GNL3: variants seen among roughly 807,000 people sequenced by gnomAD.
GNL3 encodes guanine nucleotide-binding protein-like 3.
In GNL3, 77 loss-of-function variants were observed where a neutral mutation model predicts 70.6. That is an observed-to-expected ratio of 1.09 (90% CI 0.91 to 1.32). The LOEUF (loss-of-function observed/expected upper bound fraction) is 1.32. Ranked by LOEUF, GNL3 falls within the 40% of genes most tolerant of loss-of-function variation. GNL3 has a pLI of 0.00. For missense variants in GNL3, 634 were observed against 644.0 expected, an observed-to-expected ratio of 0.98 and a Z score of 0.17; for synonymous variants, 252 against 216.1, an observed-to-expected ratio of 1.17 and a Z score of -1.46.
chr3:52,686,065 T>A lies in GNL3; in HGVS notation c.-28T>A, dbSNP rs535617804. On this transcript the variant is annotated 5_prime_UTR_variant, in exon 1 of 15. An upstream start codon of the reference 5' UTR is lost. Transcript: ENST00000418458. ...CGTGGCGCCAGCGGAGGCAGGTTGA[T>A]GTGTTTGTGCTTCCTTCTACAGCCA... The A allele has an allele frequency of 6.6e-5, 68 of 1,032,136 alleles. No homozygotes were observed. In the African/African-American group the frequency reaches 9.3e-4, roughly 14 times the overall value. The allele number at this position is 1,032,136 out of a possible 1,614,324, so 63.9% of individuals were successfully genotyped here. A position where few individuals can be genotyped will look rare whatever the true frequency, so the allele number is the denominator to read the frequency against.
intron 9 of GNL3, among the ~76,000 whole-genome samples, chr3:52,692,114 TTGAG>T (rs941767810): frequency 1.3e-5 from 2 of 152,190 alleles, no homozygotes; most frequent in African/African-American, 2.4e-5. Flanking sequence ...AGCAGATAGA[TTGAG>T]AGAGAGGAAA....
At chr3:52,691,695 G>A in intron 9 of GNL3, 66 bp downstream of exon 9, 1 of 860,012 alleles carries the variant, frequency 1.2e-6, no homozygotes, top group Non-Finnish European at 1.9e-6. Context: ...TTATCTCAAG[G>A]AAGGTGATTT....
chr3:52,685,982 GA>G (rs1270715054), upstream of GNL3: 1 of 760,338 alleles, frequency 1.3e-6, no homozygotes, highest in African/African-American at 1.7e-5. Context: ...GAGAGGCGGT[GA>G]CGCACTTTAC....
intron 9 of GNL3, 71 bp from the exon 10 acceptor site, chr3:52,692,801 G>T (rs1296661377): frequency 1.7e-6 from 2 of 1,195,144 alleles, no homozygotes; most frequent in South Asian, 1.2e-5. Context: ...ATCCAACCCT[G>T]AGCTTCATGT....
In GNL3 at chr3:52,691,068, A is replaced by G. The variant is rs763033684; in HGVS notation, c.778A>G (p.Ile260Val). 2 of 1,613,792 alleles carry G rather than the reference A, an allele frequency of 1.2e-6. No individual in the cohort carries two copies. The highest frequency in any genetic ancestry group is 2.2e-5 in the South Asian group (2 of 91,078). ...CAGCAAAGCCATTCGGGTTGGAGTA[A>G]TTGGTGAGTTTCAGTTCATTACTTT... The part of the protein sequence containing the change: ...TCSKAIRVGV[I>V]GFPNVGKSSI... The change falls in exon 8 of 15, where the codon ATT (isoleucine) becomes GTT (valine). Residue 260 changes from isoleucine to valine, a missense_variant. By Grantham distance (29) the Ile-to-Val change is conservative (BLOSUM62 3). Transcript: ENST00000418458.
upstream of GNL3, chr3:52,686,026 G>A (rs1016255755): frequency 7.3e-6 from 6 of 821,530 alleles, no homozygotes; most frequent in South Asian, 2.7e-5. Context: ...GCTCGTCAGT[G>A]GCTTCAGTTC....
Position 52,689,099 on chromosome 3 carries a change from T to C in GNL3, c.434T>C (p.Leu145Pro). 1 of 1,613,222 alleles carries C rather than the reference T, an allele frequency of 6.2e-7. No homozygotes were observed. Among genetic ancestry groups the C allele is most frequent in the Non-Finnish European group, 8.5e-7 (1 of 1,179,098 alleles). Reference sequence around the variant, plus strand: ...GTGATTGAAGCCTCCGATGTTGTCCTAGAGGTGTTGGATGCCAGAGATCCT... The same window carrying C: ...GTGATTGAAGCCTCCGATGTTGTCCCAGAGGTGTTGGATGCCAGAGATCCT... ...KKVIEASDVV[L>P]EVLDARDPLG... Residue 145 changes from leucine (L) to proline (P), a missense_variant, in exon 6 of 15, where the codon CTA becomes CCA. Physicochemically the swap from Leu to Pro is moderately conservative, Grantham distance 98. Coordinates refer to ENST00000418458, the MANE Select transcript of GNL3 (RefSeq NM_014366.5).
Position 52,694,274 on chromosome 3 carries a change from A to T in GNL3, c.1649A>T (p.Ter550LeuextTer7). ...TATGACTTCAGTACAGATTATGTGT[A>T]ACAGAACAATGGCTTTTTATGATTT... ...DAYDFSTDYV[*>L] The change falls in exon 15 of 15, where the codon TAA becomes TTA. Residue 550 changes from the stop codon to leucine (L), a stop_lost. Coordinates refer to ENST00000418458, the MANE Select transcript of GNL3 (RefSeq NM_014366.5). 6.8e-7 allele frequency: 1 copy of T among 1,479,690 alleles called. No homozygotes were observed. Among genetic ancestry groups the T allele is most frequent in the Non-Finnish European group, 9.4e-7 (1 of 1,067,198 alleles). 91.7% of individuals were successfully genotyped at this position (1,479,690 alleles called of 1,614,324 possible).
At position 52,692,933 on chromosome 3, in the gene GNL3, G is replaced by C. The variant is rs746795082; in HGVS notation, c.931G>C (p.Val311Leu). 1.9e-6 allele frequency: 3 copies of C among 1,613,184 alleles called. No homozygotes were observed. Among genetic ancestry groups the C allele is most frequent in the Non-Finnish European group, 1.7e-6 (2 of 1,179,334 alleles). Residue 311 changes from valine (V) to leucine (L), a missense_variant, in exon 10 of 15, where the codon GTA becomes CTA. Val to Leu is a conservative substitution (Grantham distance 32). Transcript: ENST00000418458. ...AATCATAGATAGTCCGAGCTTCATC[G>C]TATCTCCACTTAATTCCTCCTCTGC... ...ITIIDSPSFI[V>L]SPLNSSSALA...
At position 52,691,007 on chromosome 3, in the gene GNL3, C is replaced by G; in HGVS notation, c.717C>G (p.Gly239=). The G allele has an allele frequency of 6.2e-7, 1 of 1,613,276 alleles. No homozygotes were observed. The highest frequency in any genetic ancestry group is 8.5e-7 in the Non-Finnish European group (1 of 1,179,302). ...FRSEVCFGKE[G]LWKLLGGFQE... is the part of the protein sequence containing the mutation. ...GTGAAGTCTGCTTTGGGAAAGAGGG[C>G]CTTTGGAAACTTCTTGGAGGTTTTC... The change falls in exon 8 of 15, where the codon GGC becomes GGG. Residue 239 remains glycine, a synonymous_variant. Coordinates refer to ENST00000418458, the MANE Select transcript of GNL3 (RefSeq NM_014366.5).
At chr3:52,689,235 T>C in intron 6 of GNL3, 29 bp downstream of exon 6, 1 of 1,596,306 alleles carries the variant, frequency 6.3e-7, no homozygotes, top group Non-Finnish European at 8.6e-7. Context: ...CTTTGTCTTC[T>C]GTGTACATGG....
At position 52,687,314 on chromosome 3, in the gene GNL3, C is replaced by T. The variant is rs372150330; in HGVS notation, c.141C>T (p.Asp47=). 1.4e-5 allele frequency: 23 copies of T among 1,612,534 alleles called. No homozygotes were observed. The Admixed American group carries it at 3.2e-4, about 22-fold the overall frequency. ...GGGGTCACAAGAAGCCTAGGAAAGACCCAGGAGTTCCAAACAGTGCTCCCT... is the reference window on the plus strand; with the variant it reads ...GGGGTCACAAGAAGCCTAGGAAAGATCCAGGAGTTCCAAACAGTGCTCCCT... ...KKRGHKKPRK[D]PGVPNSAPFK... is the part of the protein sequence containing the mutation. Residue 47 remains aspartate (D), a synonymous_variant, in exon 3 of 15, where the codon GAC becomes GAT. Coordinates refer to ENST00000418458, the MANE Select transcript of GNL3 (RefSeq NM_014366.5).
At position 52,687,266 on chromosome 3, in the gene GNL3, A is replaced by G; in HGVS notation, c.93A>G (p.Lys31=). Residue 31 remains lysine (K), a synonymous_variant, in exon 3 of 15, where the codon AAA becomes AAG. Transcript: ENST00000418458. ...IQKKVREHHR[K]LRKEAKKRGH... ...AATAGGTTCGAGAACATCATCGAAAATTAAGAAAGGAGGCTAAAAAGCGGG... is the reference window on the plus strand; with the variant it reads ...AATAGGTTCGAGAACATCATCGAAAGTTAAGAAAGGAGGCTAAAAAGCGGG... 1 of 1,612,922 alleles carries G rather than the reference A, an allele frequency of 6.2e-7. No homozygotes were observed. Among genetic ancestry groups the G allele is most frequent in the Non-Finnish European group, 8.5e-7 (1 of 1,179,040 alleles).
chr3:52,692,431 CTCA>C (rs2097328177), intron 9 of GNL3, among the ~76,000 whole-genome samples: 1 of 145,220 alleles, frequency 6.9e-6, no homozygotes, highest in South Asian at 2.1e-4. Flanking sequence ...GCTATCTTGG[CTCA>C]CTGCAACCTC....
rs189657882 is a variant in GNL3, at chr3:52,686,839, G to A, written c.72+12G>A. On this transcript the variant is annotated intron_variant, in intron 2 of 14. Transcript: ENST00000418458. The stretch of plus-strand genomic sequence containing the variant: ...AAATCCAAAAAAAGGTAAGTGTAGT[G>A]CTTGAGAGAGCTGTACCAAACACAT... 3.7e-3 allele frequency: 5,795 copies of A among 1,578,754 alleles called. 68 individuals are homozygous for A. The highest frequency in any genetic ancestry group is 2.4e-3 in the Non-Finnish European group (2,788 of 1,147,802).
chr3:52,687,429 ATG>A, intron 3 of GNL3, 46 bp downstream of exon 3: 1 of 1,604,830 alleles, frequency 6.2e-7, no homozygotes, highest in Non-Finnish European at 8.5e-7. Context: ...GTAGTGTGTT[ATG>A]TGTGATATTT....
rs753198059 is a variant in GNL3 at position 52,693,715 on chromosome 3, C to T, written c.1408C>T (p.His470Tyr). ...TNGIIEEKDI[H>Y]EELPKRKERK... ...TGGAATAATAGAAGAAAAGGACATACATGAAGAATTGCCAAAACGGAAAGA... is the reference window on the plus strand; with the variant it reads ...TGGAATAATAGAAGAAAAGGACATATATGAAGAATTGCCAAAACGGAAAGA... Residue 470 changes from histidine to tyrosine, a missense_variant, in exon 13 of 15, where the codon CAT becomes TAT. Physicochemically the swap from His to Tyr is moderately conservative, Grantham distance 83. Transcript: ENST00000418458. 2 of 1,613,708 alleles carry T rather than the reference C, an allele frequency of 1.2e-6. No individual in the cohort carries two copies. The highest frequency in any genetic ancestry group is 1.7e-6 in the Non-Finnish European group (2 of 1,179,714).
intron 13 of GNL3, 98 bp downstream of exon 13, chr3:52,693,905 A>G: frequency 7.6e-7 from 1 of 1,316,028 alleles, no homozygotes; most frequent in South Asian, 1.3e-5. Context: ...GAGGCTTGTG[A>G]TCCATTAGCC....
In GNL3 at chr3:52,692,922, C is replaced by T. The variant is rs1393731399; in HGVS notation, c.920C>T (p.Pro307Leu). ...LDKQITIIDS[P>L]SFIVSPLNSS... ...AAACAGATCACAATCATAGATAGTC[C>T]GAGCTTCATCGTATCTCCACTTAAT... The change falls in exon 10 of 15, where the codon CCG becomes CTG. Residue 307 changes from proline to leucine, a missense_variant. Pro to Leu is a moderately conservative substitution (Grantham distance 98). Transcript: ENST00000418458. The T allele has an allele frequency of 5.6e-6, 9 of 1,613,054 alleles. No homozygotes were observed. The highest frequency in any genetic ancestry group is 1.7e-5 in the Admixed American group (1 of 59,986).
Sources: gnomAD v4.1 joint callset for allele counts (sites outside exome capture counted in the v4.1 genomes callset) on GRCh38, gnomAD v4.1.1 for gene constraint, MANE v1.5 for transcripts, NCBI Gene and HGNC (gene_info 2026-07-23, HGNC 2026-07-21) for gene names.